The following COL28A1 variants were observed in gnomAD, a reference collection of about 807,000 sequenced individuals.
COL28A1 encodes collagen alpha-1(XXVIII) chain.
In COL28A1, 161 loss-of-function variants were observed where a neutral mutation model predicts 150.2. The ratio of observed to expected loss-of-function variants is 1.07; its 90% confidence interval spans 0.94 to 1.22. COL28A1 has a LOEUF of 1.22. Among genes scored for constraint, COL28A1 ranks in the 50% most tolerant of loss-of-function variants. The pLI, the probability that COL28A1 is intolerant of heterozygous loss-of-function variation, is 0.00. For synonymous variants in COL28A1, 552 were observed against 469.7 expected (o/e 1.18, Z -2.26); for missense variants, 1,617 against 1,388.3 (o/e 1.16, Z -2.62).
intron 33 of COL28A1, among the ~76,000 whole-genome samples, chr7:7,366,916 T>C (rs541232451): frequency 1.3e-5 from 2 of 152,364 alleles, no homozygotes; most frequent in South Asian, 2.1e-4. Flanking sequence ...TGGGTGTGCA[T>C]GCACAGAGGC....
At chr7:7,495,400 C>T (rs1401479147) in intron 11 of COL28A1, among the ~76,000 whole-genome samples, 1 of 152,060 alleles carries the variant, frequency 6.6e-6, no homozygotes, top group Non-Finnish European at 1.5e-5. Flanking sequence ...ATGAACAGTA[C>T]CAACATTTAA....
intron 25 of COL28A1, among the ~76,000 whole-genome samples, chr7:7,430,153 G>A (rs1288899224): frequency 6.6e-6 from 1 of 152,038 alleles, no homozygotes; most frequent in Non-Finnish European, 1.5e-5. Flanking sequence ...TTGAAATGGA[G>A]TTTCGCTCTG....
intron 3 of COL28A1, among the ~76,000 whole-genome samples, chr7:7,528,889 TA>T (rs1414765739): frequency 1.3e-5 from 2 of 152,154 alleles, no homozygotes; most frequent in East Asian, 3.8e-4. Flanking sequence ...AAATCATACC[TA>T]ATTAACTTAT....
At chr7:7,531,281 A>C (rs1396347973) in intron 3 of COL28A1, 67 bp downstream of exon 3, 4 of 673,410 alleles carry the variant, frequency 5.9e-6, no homozygotes, top group Non-Finnish European at 1.0e-5. Flanking sequence ...ATCTCTTCTT[A>C]TGGGATTTAC....
At chr7:7,377,386 A>G (rs1047937380) in intron 30 of COL28A1, among the ~76,000 whole-genome samples, 2 of 152,180 alleles carry the variant, frequency 1.3e-5, no homozygotes, top group African/African-American at 4.8e-5. Context: ...TCCAGGAAGA[A>G]GCAGACAAAC....
At chr7:7,467,991 T>G (rs202012899) in intron 15 of COL28A1, among the ~76,000 whole-genome samples, 1 of 90,182 alleles carries the variant, frequency 1.1e-5, no homozygotes, top group African/African-American at 4.8e-5. Flanking sequence ...ACTAAATGCC[T>G]ACAAGAGAAA....
chr7:7,431,604 C>T (rs1053542226), intron 25 of COL28A1: 11 of 471,042 alleles, frequency 2.3e-5, no homozygotes, highest in Admixed American at 9.4e-5. Flanking sequence ...AAGCTGCAGT[C>T]GGGGCATGAA....
At chr7:7,411,473 T>C (rs1053807675) in intron 27 of COL28A1, among the ~76,000 whole-genome samples, 3 of 152,160 alleles carry the variant, frequency 2.0e-5, no homozygotes, top group East Asian at 1.9e-4. Context: ...AACCTTCCCT[T>C]ATTCTCCTTC....
intron 32 of COL28A1, among the ~76,000 whole-genome samples, chr7:7,372,118 G>C (rs933407476): frequency 6.6e-6 from 1 of 152,072 alleles, no homozygotes; most frequent in Non-Finnish European, 1.5e-5. Flanking sequence ...GTTGTTCTTT[G>C]GCTGGGCACG....
intron 21 of COL28A1, among the ~76,000 whole-genome samples, chr7:7,438,674 T>A (rs1206364790): frequency 6.9e-6 from 1 of 144,556 alleles, no homozygotes; most frequent in East Asian, 2.0e-4. Context: ...TTTATATAAA[T>A]TCATAACATA....
the COL28A1 span, among the ~76,000 whole-genome samples, chr7:7,340,385 C>A: frequency 4.6e-5 from 7 of 152,066 alleles, no homozygotes; most frequent in South Asian, 1.5e-3. Context: ...GGAGTGTGCT[C>A]TCATCTGAAT....
At chr7:7,359,945 G>C (rs1374120766) in intron 34 of COL28A1, among the ~76,000 whole-genome samples, 1 of 152,064 alleles carries the variant, frequency 6.6e-6, no homozygotes, top group African/African-American at 2.4e-5. Context: ...ATTTTCTATA[G>C]ATATTAACTC....
Position 7,375,292 on chromosome 7 carries a change from CA to C in COL28A1, c.2359+168del, listed in dbSNP as rs559451471. On this transcript the variant is annotated intron_variant, in intron 31 of 34. Transcript: ENST00000399429. ...TTTTATTTCCTTACATCAGGATTCC[CA>C]CAGTCTCTCTTACTGCTTCCTTTCA... is the stretch of plus-strand genomic sequence containing the variant. Among the ~76,000 whole-genome samples, 284 of 152,292 alleles carry C rather than the reference CA, an allele frequency of 1.9e-3. 2 individuals are homozygous for C. The highest frequency in any genetic ancestry group is 0.01 in the Middle Eastern group (3 of 294).
chr7:7,341,765 C>G, the COL28A1 span, among the ~76,000 whole-genome samples: 2 of 151,986 alleles, frequency 1.3e-5, no homozygotes, highest in East Asian at 1.9e-4. Context: ...TTTTAGTGAA[C>G]TTTTTGTTGA....
intron 27 of COL28A1, among the ~76,000 whole-genome samples, chr7:7,386,124 A>C (rs1340211966): frequency 6.6e-6 from 1 of 152,238 alleles, no homozygotes; most frequent in East Asian, 1.9e-4. Context: ...CTGATAAAGA[A>C]GTGATCATTT....
At chr7:7,416,522 C>G (rs922459947) in intron 27 of COL28A1, among the ~76,000 whole-genome samples, 1 of 152,220 alleles carries the variant, frequency 6.6e-6, no homozygotes, top group Admixed American at 6.5e-5. Context: ...TAAGCAAACT[C>G]ATGCAAAACT....
intron 4 of COL28A1, 33 bp from the exon 5 acceptor site, chr7:7,521,994 C>A (rs1171401178): frequency 4.6e-6 from 4 of 870,772 alleles, no homozygotes; most frequent in Non-Finnish European, 2.0e-6. Context: ...TATTAACACA[C>A]AGTGAAATTC....
chr7:7,449,174 T>C (rs917271671), intron 18 of COL28A1, among the ~76,000 whole-genome samples: 2 of 152,056 alleles, frequency 1.3e-5, no homozygotes, highest in Admixed American at 1.3e-4. Context: ...AATAAAAGAT[T>C]AGTCAGTTGA....
intron 1 of COL28A1, 98 bp from the exon 2 acceptor site, chr7:7,533,010 G>T (rs1782456737): frequency 4.1e-6 from 5 of 1,216,416 alleles, no homozygotes; most frequent in Admixed American, 3.4e-5. Flanking sequence ...CATGTGACTG[G>T]AAAAAAGAGG....
Sources: allele counts gnomAD v4.1 joint callset (sites outside exome capture counted in the v4.1 genomes callset), GRCh38; gene constraint gnomAD v4.1.1; transcripts MANE v1.5; gene names NCBI Gene and HGNC (gene_info 2026-07-23, HGNC 2026-07-21).